The following ZNF333 variants were observed in gnomAD, a reference collection of about 807,000 sequenced individuals.
ZNF333 encodes zinc finger protein 333.
ZNF333 carries 61 observed loss-of-function variants against 76.1 expected under a neutral mutation model. The ratio of observed to expected loss-of-function variants is 0.80; its 90% CI spans 0.65 to 0.99. The LOEUF is 0.99. ZNF333 is among the 50% of genes least tolerant of loss of function. The probability of loss-of-function intolerance (pLI) is 0.00; values close to 1 mark genes in which losing one functional copy is unlikely to be tolerated. For missense variants in ZNF333, 717 were observed against 822.4 expected (o/e 0.87, Z 1.57); for synonymous variants, 284 against 305.0 (o/e 0.93, Z 0.72).
chr19:14,723,571 T>A (rs1478721059), downstream of ZNF333, among the ~76,000 whole-genome samples: 2 of 152,238 alleles, frequency 1.3e-5, no homozygotes, highest in African/African-American at 4.8e-5. Flanking sequence ...ATCTCATTGG[T>A]TAAGTTAATT....
chr19:14,719,516 G>T lies in ZNF333; in HGVS notation c.*191G>T. On this transcript the variant is annotated 3_prime_UTR_variant, in exon 12 of 12. Transcript: ENST00000292530. Reference sequence around the variant, plus strand: ...ATTAGATTTTTCAAAACTAATATGTGGATATATTTTCATAGAGGTATAATG... The same window carrying T: ...ATTAGATTTTTCAAAACTAATATGTTGATATATTTTCATAGAGGTATAATG... The T allele has an allele frequency of 9.3e-7, 1 of 1,069,834 alleles. No homozygotes were observed. The highest frequency in any genetic ancestry group is 3.2e-5 in the Admixed American group (1 of 30,962). The allele number at this position is 1,069,834 out of a possible 1,614,324, so 66.3% of individuals were successfully genotyped here. A position where few individuals can be genotyped will look rare whatever the true frequency, so the allele number is the denominator to read the frequency against.
intron 7 of ZNF333, 33 bp from the exon 8 acceptor site, chr19:14,715,349 A>G (rs1317218076): frequency 6.2e-7 from 1 of 1,607,788 alleles, no homozygotes; most frequent in Admixed American, 1.7e-5. Context: ...TAGGCCAGGC[A>G]CCAACCCTCA....
At chr19:14,701,634 G>A (rs2041961604) in intron 5 of ZNF333, 2 of 985,424 alleles carry the variant, frequency 2.0e-6, no homozygotes, top group East Asian at 1.1e-4. Flanking sequence ...AGCAACGAGG[G>A]CCCGGTGCCC....
At chr19:14,689,869 C>T (rs968696018), upstream of ZNF333, 9 of 152,520 alleles carry the variant, frequency 5.9e-5, no homozygotes, top group African/African-American at 2.2e-4. Flanking sequence ...CCCCCAGCAC[C>T]ACCCTCCATG....
intron 2 of ZNF333, among the ~76,000 whole-genome samples, chr19:14,694,210 T>C (rs1363461335): frequency 2.6e-5 from 4 of 152,106 alleles, no homozygotes; most frequent in Non-Finnish European, 5.9e-5. Flanking sequence ...TGGTGGCTCA[T>C]GCCTGTAATC....
In ZNF333 at chr19:14,721,119, C is replaced by G; in HGVS notation, c.*1794C>G. The stretch of plus-strand genomic sequence containing the variant: ...TGCATCTTTTAATTTAGTCCTCACA[C>G]TGACACTTTGAGGTATGTACTGTTA... On this transcript the variant is annotated 3_prime_UTR_variant, in exon 12 of 12. Coordinates refer to ENST00000292530, the MANE Select transcript of ZNF333 (RefSeq NM_032433.4). The G allele has an allele frequency of 8.5e-6, 3 of 351,308 alleles. No individual in the cohort carries two copies. Among genetic ancestry groups the G allele is most frequent in the Non-Finnish European group, 1.2e-5 (3 of 250,758 alleles). The allele number at this position is 351,308 out of a possible 1,614,324, so 21.8% of individuals were successfully genotyped here.
chr19:14,706,879 ACTGCCGT>A, intron 7 of ZNF333, 106 bp downstream of exon 7: 1 of 935,312 alleles, frequency 1.1e-6, no homozygotes, highest in Non-Finnish European at 1.6e-6. Flanking sequence ...GACTGCAGGC[ACTGCCGT>A]GGCACCATAG....
At chr19:14,712,608 G>A (rs1309376792) in intron 7 of ZNF333, among the ~76,000 whole-genome samples, 1 of 152,080 alleles carries the variant, frequency 6.6e-6, no homozygotes, top group Non-Finnish European at 1.5e-5. Context: ...TGCTCCCTCT[G>A]ATGGCTCGGG....
At chr19:14,726,697 A>G (rs1008262525), downstream of ZNF333, among the ~76,000 whole-genome samples, 1 of 152,148 alleles carries the variant, frequency 6.6e-6, no homozygotes, top group Non-Finnish European at 1.5e-5. Context: ...ACATAGACGC[A>G]ATGCTGCCAG....
At chr19:14,693,276 T>A (rs1011252138) in intron 1 of ZNF333, among the ~76,000 whole-genome samples, 175 bp from the exon 2 acceptor site, 1 of 151,992 alleles carries the variant, frequency 6.6e-6, no homozygotes, top group Non-Finnish European at 1.5e-5. Flanking sequence ...ATGGGAAGAG[T>A]CAGTAGCAGT....
chr19:14,692,472 G>A (rs1972844453), intron 1 of ZNF333, among the ~76,000 whole-genome samples: 1 of 152,092 alleles, frequency 6.6e-6, no homozygotes, highest in Non-Finnish European at 1.5e-5. Context: ...GAGAGAGGGA[G>A]GCAGGTCCCT....
In ZNF333 at chr19:14,694,939, A is replaced by G. The variant is rs1044101053; in HGVS notation, c.4-71A>G. ...TGTGTCTGAACATTTTCTCTTCTCC[A>G]GTGATAACCAGTCGTTCTGCTCAGT... On this transcript the variant is annotated intron_variant, in intron 2 of 11. Coordinates refer to ENST00000292530, the MANE Select transcript of ZNF333 (RefSeq NM_032433.4). 6.3e-6 allele frequency: 10 copies of G among 1,594,440 alleles called. No homozygotes were observed. In the Admixed American group the frequency reaches 8.5e-5, roughly 13 times the overall value.
intron 7 of ZNF333, among the ~76,000 whole-genome samples, chr19:14,713,738 G>T (rs1054177251): frequency 2.0e-5 from 3 of 151,920 alleles, no homozygotes; most frequent in East Asian, 3.9e-4. Context: ...TGGGAGGATC[G>T]CTTGAGGCTA....
chr19:14,716,966 A>T lies in ZNF333; in HGVS notation c.728-28A>T, dbSNP rs1225246302. Reference sequence around the variant, plus strand: ...TGTCAGGGCATGGCACAGTCCTCGCACAACATGTGTTTTTTTCTCATGAGC... The same window carrying T: ...TGTCAGGGCATGGCACAGTCCTCGCTCAACATGTGTTTTTTTCTCATGAGC... On this transcript the variant is annotated intron_variant, in intron 9 of 11. Coordinates refer to ENST00000292530, the MANE Select transcript of ZNF333 (RefSeq NM_032433.4). 6 of 1,594,160 alleles carry T rather than the reference A, an allele frequency of 3.8e-6. No individual in the cohort carries two copies. The Admixed American group carries it at 1.0e-4, about 27-fold the overall frequency.
intron 4 of ZNF333, 104 bp downstream of exon 4, chr19:14,695,765 T>C: frequency 1.1e-6 from 1 of 928,030 alleles, no homozygotes; most frequent in Admixed American, 2.0e-5. Flanking sequence ...TGAGGGGACA[T>C]CGAAGGCCAT....
intron 5 of ZNF333, chr19:14,701,441 G>A (rs952284603): frequency 8.0e-6 from 3 of 373,872 alleles, no homozygotes; most frequent in African/African-American, 4.4e-5. Flanking sequence ...AAGTCTTGCT[G>A]TGTTGTGCAG....
intron 7 of ZNF333, chr19:14,708,413 C>T (rs867917007): frequency 2.5e-6 from 1 of 401,282 alleles, no homozygotes; most frequent in East Asian, 3.6e-5. Flanking sequence ...CTCCGTGGAG[C>T]TCACGGTCAG....
intron 4 of ZNF333, among the ~76,000 whole-genome samples, chr19:14,698,829 G>A (rs529268441): frequency 3.8e-4 from 56 of 146,362 alleles, no homozygotes; most frequent in African/African-American, 1.4e-3. Context: ...GAAAGAGCAA[G>A]ACTCTGTCTC....
At chr19:14,724,364 A>T (rs761602973), downstream of ZNF333, among the ~76,000 whole-genome samples, 1 of 152,172 alleles carries the variant, frequency 6.6e-6, no homozygotes, top group Non-Finnish European at 1.5e-5. Flanking sequence ...TGGGGAGCAC[A>T]TGGTTATAAC....
Sources: allele counts gnomAD v4.1 joint callset (sites outside exome capture counted in the v4.1 genomes callset), GRCh38; gene constraint gnomAD v4.1.1; transcripts MANE v1.5; gene names NCBI Gene and HGNC (gene_info 2026-07-23, HGNC 2026-07-21).